The following CASP8 variants were observed in gnomAD, a reference collection of about 807,000 sequenced individuals.
The protein encoded by CASP8 is caspase 8.
A neutral mutation model predicts 46.3 loss-of-function variants in CASP8; 24 were observed. The ratio of observed to expected loss-of-function variants is 0.52; its 90% CI spans 0.38 to 0.73. The LOEUF is 0.73. Ranked by LOEUF, CASP8 falls within the 30% of genes least tolerant of loss-of-function variation. CASP8 has a pLI of 0.00. For missense variants in CASP8, 460 were observed against 559.0 expected (o/e 0.82, Z 1.79); for synonymous variants, 188 against 200.4 (o/e 0.94, Z 0.52).
upstream of CASP8, among the ~76,000 whole-genome samples, chr2:201,259,467 T>C (rs905759639): frequency 6.6e-6 from 1 of 152,188 alleles, no homozygotes; most frequent in Admixed American, 6.5e-5. Flanking sequence ...TGAGCCACGG[T>C]GGCCATCCAG....
rs1221467837 is a variant in CASP8 at position 201,272,100 on chromosome 2, CTGTG to C, written c.411+487_411+490del. Among the ~76,000 whole-genome samples the C allele has an allele frequency of 4.6e-5, 7 of 151,122 alleles. No homozygotes were observed. Among genetic ancestry groups the C allele is most frequent in the Non-Finnish European group, 8.9e-5 (6 of 67,716 alleles). ...AAGTGGTGTGTGTGTCTGTGTATCT[CTGTG>C]TGTGTGTTCTCTGTGTGGTATGTGT... is the stretch of plus-strand genomic sequence containing the variant. On this transcript the variant is annotated intron_variant, in intron 3 of 8. Transcript: ENST00000673742. This position sits in a 1 kb window ranked among gnomAD's most constrained non-coding sequence, Gnocchi z 4.4.
At chr2:201,248,837 G>GT (rs370196171) in intron 2 of CASP8, among the ~76,000 whole-genome samples, 2 of 152,202 alleles carry the variant, frequency 1.3e-5, no homozygotes, top group East Asian at 3.9e-4. Context: ...TCCTTTTTGA[G>GT]TTTTTGTCTA....
intron 1 of CASP8, among the ~76,000 whole-genome samples, chr2:201,265,080 A>G (rs1187231442): frequency 6.6e-6 from 1 of 152,228 alleles, no homozygotes; most frequent in Non-Finnish European, 1.5e-5. Context: ...AGATTTTTAA[A>G]AATTTTCTTT....
At chr2:201,263,471 G>A (rs1947569568) in intron 1 of CASP8, among the ~76,000 whole-genome samples, 2 of 152,172 alleles carry the variant, frequency 1.3e-5, no homozygotes. Context: ...GAAATATGAT[G>A]TGTTCAAATA....
At chr2:201,276,371 G>A (rs914643034) in intron 6 of CASP8, among the ~76,000 whole-genome samples, 7 of 152,158 alleles carry the variant, frequency 4.6e-5, no homozygotes, top group Non-Finnish European at 7.3e-5. Context: ...TGTTAGCCAC[G>A]AAGCACAGAT....
Position 201,286,572 on chromosome 2 carries a change from A to C in CASP8, c.1418A>C (p.Lys473Thr). The change falls in exon 9 of 9, where the codon AAA becomes ACA. Residue 473 changes from lysine to threonine, a missense_variant. Physicochemically the swap from Lys to Thr is moderately conservative, Grantham distance 78. Coordinates refer to ENST00000673742, the MANE Select transcript of CASP8 (RefSeq NM_001372051.1). ...MPQPTFTLRK[K>T]LVFPSD ...CAGCCTACTTTCACACTAAGAAAAA[A>C]ACTTGTCTTCCCTTCTGATTGATGG... 1 of 1,614,048 alleles carries C rather than the reference A, an allele frequency of 6.2e-7. No homozygotes were observed.
At chr2:201,253,980 C>G (rs540508621) in intron 2 of CASP8, among the ~76,000 whole-genome samples, 17 of 151,896 alleles carry the variant, frequency 1.1e-4, no homozygotes, top group African/African-American at 3.9e-4. Flanking sequence ...ACTCGGGAGG[C>G]TGAGGCAGGA....
chr2:201,265,691 C>T (rs1380642848), intron 1 of CASP8, among the ~76,000 whole-genome samples: 2 of 152,172 alleles, frequency 1.3e-5, no homozygotes, highest in African/African-American at 4.8e-5. Context: ...CCCTTTGTGA[C>T]ATGGTACCTG....
chr2:201,253,791 G>T (rs1196095730), intron 2 of CASP8, among the ~76,000 whole-genome samples: 1 of 152,058 alleles, frequency 6.6e-6, no homozygotes, highest in Non-Finnish European at 1.5e-5. Flanking sequence ...AAACCTTTAA[G>T]AAAATTCTGG....
chr2:201,284,265 C>A (rs1949387728), intron 7 of CASP8, among the ~76,000 whole-genome samples: 1 of 51,146 alleles, frequency 2.0e-5, no homozygotes, highest in African/African-American at 9.7e-5. Flanking sequence ...CTCCTCACTT[C>A]CCAGACGGCG....
In CASP8 at chr2:201,270,036, A is replaced by T. The variant is rs183401095; in HGVS notation, c.306-1480A>T. Among the ~76,000 whole-genome samples the T allele has an allele frequency of 2.6e-3, 401 of 152,312 alleles. 1 individual carries two copies. The highest frequency in any genetic ancestry group is 9.4e-3 in the African/African-American group (390 of 41,566). On this transcript the variant is annotated intron_variant, in intron 2 of 8. Transcript: ENST00000673742. The stretch of plus-strand genomic sequence containing the variant: ...GTAATACTGAGTAATTTCTGTTTCT[A>T]CGCCATTTTTATTTTCAGAATTTTA...
chr2:201,236,202 T>C (rs1559325374), intron 2 of CASP8, among the ~76,000 whole-genome samples: 3 of 152,212 alleles, frequency 2.0e-5, no homozygotes, highest in African/African-American at 7.2e-5. Context: ...CCACCCCTGC[T>C]CCTTTTAGGC....
chr2:201,281,927 C>G, intron 7 of CASP8: 6 of 496,254 alleles, frequency 1.2e-5, no homozygotes, highest in Admixed American at 4.4e-5. Flanking sequence ...ATTTCTGGTT[C>G]AAATTCTTTT....
At chr2:201,236,967 C>A (rs1036526822) in intron 2 of CASP8, among the ~76,000 whole-genome samples, 4 of 152,144 alleles carry the variant, frequency 2.6e-5, no homozygotes, top group Admixed American at 6.5e-5. Context: ...TTATTTCTAT[C>A]CCCACCCTCC....
chr2:201,270,797 T>C (rs542718619), intron 2 of CASP8, among the ~76,000 whole-genome samples: 1 of 152,252 alleles, frequency 6.6e-6, no homozygotes, highest in Admixed American at 6.5e-5. Context: ...GGCCTCCTAA[T>C]GCGCTGGAAT....
At chr2:201,282,120 T>C (rs1303910186) in intron 7 of CASP8, among the ~76,000 whole-genome samples, 2 of 60,684 alleles carry the variant, frequency 3.3e-5, no homozygotes, top group Admixed American at 2.7e-4. Flanking sequence ...TACTTAAGAT[T>C]AGGGAGTGGT....
At chr2:201,278,613 C>T (rs978890053) in intron 7 of CASP8, among the ~76,000 whole-genome samples, 5 of 151,744 alleles carry the variant, frequency 3.3e-5, no homozygotes, top group Admixed American at 6.6e-5. Context: ...CTTGGCTCAC[C>T]GCAACCTCTG....
At chr2:201,265,386 A>G (rs1462267599) in intron 1 of CASP8, among the ~76,000 whole-genome samples, 2 of 151,806 alleles carry the variant, frequency 1.3e-5, no homozygotes, top group Admixed American at 1.3e-4. Flanking sequence ...AAAGAAAAAA[A>G]AAAAACGAAA....
chr2:201,281,047 C>T (rs1405882458), intron 7 of CASP8, among the ~76,000 whole-genome samples: 2 of 152,164 alleles, frequency 1.3e-5, no homozygotes, highest in Non-Finnish European at 2.9e-5. Flanking sequence ...GAGGTGGTGG[C>T]TCATGCCTAC....
Sources: gnomAD v4.1 joint callset for allele counts (sites outside exome capture counted in the v4.1 genomes callset) on GRCh38, gnomAD v4.1.1 for gene constraint, Gnocchi (gnomAD v3.1) non-coding constraint, MANE v1.5 for transcripts, NCBI Gene and HGNC (gene_info 2026-07-23, HGNC 2026-07-21) for gene names.